PRAMEF11: variants seen among roughly 807,000 people sequenced by gnomAD.
PRAMEF11 encodes PRAME family member 11.
Under a neutral mutation model 33.6 loss-of-function variants are expected in PRAMEF11, and 17 were observed. The observed-to-expected ratio is 0.51, with a 90% CI of 0.35 to 0.76. The LOEUF is 0.76. Among genes scored for constraint, PRAMEF11 ranks in the 30% least tolerant of loss-of-function variants. PRAMEF11 has a pLI of 0.01. For synonymous variants in PRAMEF11, 205 were observed against 227.3 expected (o/e 0.90, Z 0.88); for missense variants, 568 against 567.0 (o/e 1.00, Z -0.02).
chr1:12,827,432 C>T lies in PRAMEF11; in HGVS notation c.692G>A (p.Gly231Asp), dbSNP rs2100341615. The T allele has an allele frequency of 6.2e-7, 1 of 1,607,960 alleles. No homozygotes were observed. The highest frequency in any genetic ancestry group is 2.2e-5 in the East Asian group (1 of 44,512). The change falls in exon 3 of 4, where the codon GGC (glycine) becomes GAC (aspartate). Residue 231 changes from glycine (G) to aspartate (D), a missense_variant. By Grantham distance (94) the Gly-to-Asp change is moderately conservative. Coordinates refer to ENST00000619922, the MANE Select transcript of PRAMEF11 (RefSeq NM_001146344.3). ...PILTQFTPYLGHLRNLQKLVL... is the reference protein window; with the variant it reads ...PILTQFTPYLDHLRNLQKLVL... ...GAGCTTCTGAAGATTCCTCAAGTGG[C>T]CCAGGTATGGGGTAAACTGTGTCAG...
chr1:12,827,740 G>T lies in PRAMEF11; in HGVS notation c.384C>A (p.Leu128=). The part of the protein sequence containing the change: ...WSEAMAHGCF[L]NAKRNKKPVQ... ...CTGGTTTTTTGTTCCTCTTGGCATT[G>T]AGGAAGCACCCATGGGCCATAGCTT... The change falls in exon 3 of 4, where the codon CTC becomes CTA. Residue 128 remains leucine (L), a synonymous_variant. Transcript: ENST00000619922. 1 of 1,609,844 alleles carries T rather than the reference G, an allele frequency of 6.2e-7. No individual in the cohort carries two copies. The highest frequency in any genetic ancestry group is 8.5e-7 in the Non-Finnish European group (1 of 1,178,320).
Position 12,828,746 on chromosome 1 carries a change from G to T in PRAMEF11, c.44C>A (p.Ala15Glu), listed in dbSNP as rs553779461. 3.1e-6 allele frequency: 5 copies of T among 1,605,978 alleles called. No homozygotes were observed. In the African/African-American group the frequency reaches 6.7e-5, roughly 22 times the overall value. ...IRIPPRLLELAGRSLLRDQAL... is the reference protein window; with the variant it reads ...IRIPPRLLELEGRSLLRDQAL... ...TTGGTCCCTCAGCAGGCTCCGCCCC[G>T]CAAGCTCCAGGAGTCTGGGTGGAAT... The change falls in exon 2 of 4, where the codon GCG becomes GAG. Residue 15 changes from alanine (A) to glutamate (E), a missense_variant. Ala to Glu is a moderately radical substitution (Grantham distance 107, BLOSUM62 -1). Transcript: ENST00000619922.
intron 1 of PRAMEF11, among the ~76,000 whole-genome samples, 190 bp downstream of exon 1, chr1:12,831,166 G>A (rs1639998993): frequency 6.6e-6 from 1 of 150,560 alleles, no homozygotes; most frequent in African/African-American, 2.4e-5. Context: ...ATCAACCAAA[G>A]CACAATCAAC....
chr1:12,830,572 G>T (rs1207866291), intron 1 of PRAMEF11, among the ~76,000 whole-genome samples: 13 of 151,030 alleles, frequency 8.6e-5, no homozygotes, highest in African/African-American at 2.9e-4. Flanking sequence ...CTGGAGTACA[G>T]GAGTGGTATG....
At chr1:12,827,919 T>G in intron 2 of PRAMEF11, 89 bp from the exon 3 acceptor site, 1 of 1,584,670 alleles carries the variant, frequency 6.3e-7, no homozygotes, top group African/African-American at 1.3e-5. Flanking sequence ...CTCCCCTCCC[T>G]GCTTGTTGTC....
Position 12,826,434 on chromosome 1 carries a change from A to T in PRAMEF11, c.875+815T>A, listed in dbSNP as rs1484426229. On this transcript the variant is annotated intron_variant, in intron 3 of 3. Transcript: ENST00000619922. ...CTGAGCATTCCCCTCTTCAGTGCCCACTTCACTTCCCTACTTCACATCATC... is the reference window on the plus strand; with the variant it reads ...CTGAGCATTCCCCTCTTCAGTGCCCTCTTCACTTCCCTACTTCACATCATC... Among the ~76,000 whole-genome samples the T allele has an allele frequency of 2.6e-5, 4 of 151,230 alleles. No homozygotes were observed. The Admixed American group carries it at 2.7e-4, about 10-fold the overall frequency.
intron 3 of PRAMEF11, among the ~76,000 whole-genome samples, chr1:12,826,706 G>A (rs1274045189): frequency 4.6e-5 from 7 of 151,326 alleles, no homozygotes; most frequent in African/African-American, 1.7e-4. Context: ...AAGTTGCTGC[G>A]AGCTGAGATG....
rs1179816208 is a variant in PRAMEF11 at position 12,830,232 on chromosome 1, C to T, written c.-17+1124G>A. On this transcript the variant is annotated intron_variant, in intron 1 of 3. Transcript: ENST00000619922. Reference sequence around the variant, plus strand: ...AGTTTTCAAAGACAGAGATGACAGTCCCTAAGAAAACACAGTAGAAATCTT... The same window carrying T: ...AGTTTTCAAAGACAGAGATGACAGTTCCTAAGAAAACACAGTAGAAATCTT... Among the ~76,000 whole-genome samples the T allele has an allele frequency of 4.6e-5, 7 of 151,384 alleles. 1 individual carries two copies. In the East Asian group the frequency reaches 1.2e-3, roughly 25 times the overall value.
intron 1 of PRAMEF11, among the ~76,000 whole-genome samples, chr1:12,830,682 C>A (rs1375199321): frequency 6.7e-6 from 1 of 149,132 alleles, no homozygotes; most frequent in Non-Finnish European, 1.5e-5. Context: ...CCATGCTCGG[C>A]TAATTAAAAA....
In PRAMEF11 at chr1:12,827,668, A is replaced by T. The variant is rs2486716; in HGVS notation, c.456T>A (p.Phe152Leu). Reference protein sequence around the residue: ...RMRGRQPLTVFVELWLKNRTL... With the variant: ...RMRGRQPLTVLVELWLKNRTL... Reference sequence around the variant, plus strand: ...TCCTGTTCTTGAGCCAAAGTTCTACAAACACAGTCAAGGGCTGCCGTCCTC... The same window carrying T: ...TCCTGTTCTTGAGCCAAAGTTCTACTAACACAGTCAAGGGCTGCCGTCCTC... Residue 152 changes from phenylalanine to leucine, a missense_variant, in exon 3 of 4, where the codon TTT becomes TTA. By Grantham distance (22) the Phe-to-Leu change is conservative. Coordinates refer to ENST00000619922, the MANE Select transcript of PRAMEF11 (RefSeq NM_001146344.3). 3 of 1,607,060 alleles carry T rather than the reference A, an allele frequency of 1.9e-6. No homozygotes were observed. The highest frequency in any genetic ancestry group is 1.1e-5 in the South Asian group (1 of 90,336).
chr1:12,827,918 C>G (rs1569788800), intron 2 of PRAMEF11, 88 bp from the exon 3 acceptor site: 4 of 1,582,150 alleles, frequency 2.5e-6, no homozygotes, highest in Non-Finnish European at 3.4e-6. Flanking sequence ...CCTCCCCTCC[C>G]TGCTTGTTGT....
At chr1:12,826,571 G>A (rs918353607) in intron 3 of PRAMEF11, among the ~76,000 whole-genome samples, 17 of 150,982 alleles carry the variant, frequency 1.1e-4, no homozygotes, top group Admixed American at 5.3e-4. Context: ...AGAATAACCT[G>A]GCCAAAATGG....
chr1:12,830,999 CAAA>C (rs34338341), intron 1 of PRAMEF11, among the ~76,000 whole-genome samples: 6 of 132,288 alleles, frequency 4.5e-5, no homozygotes, highest in African/African-American at 8.3e-5. Flanking sequence ...TCCCCACCCT[CAAA>C]AAAAAAAAAA....
rs72472669 is a variant in PRAMEF11 at position 12,830,314 on chromosome 1, A to G, written c.-17+1042T>C. Among the ~76,000 whole-genome samples the G allele has an allele frequency of 2.9e-3, 442 of 151,232 alleles. 6 individuals carry two copies. Among genetic ancestry groups the G allele is most frequent in the African/African-American group, 9.1e-3 (378 of 41,366 alleles). On this transcript the variant is annotated intron_variant, in intron 1 of 3. Transcript: ENST00000619922. Reference sequence around the variant, plus strand: ...TTCTTTTTGGTGTTGAGGGAGCTGAATCTCACTTCATCGGCCAGGCTAGAG... The same window carrying G: ...TTCTTTTTGGTGTTGAGGGAGCTGAGTCTCACTTCATCGGCCAGGCTAGAG...
In PRAMEF11 at chr1:12,827,875, C is replaced by G. The variant is rs761133951; in HGVS notation, c.294-45G>C. 23 of 1,602,412 alleles carry G rather than the reference C, an allele frequency of 1.4e-5. 2 individuals are homozygous for G. The highest frequency in any genetic ancestry group is 9.4e-5 in the African/African-American group (7 of 74,696). ...AGACTGAGAATTTAAGAACTCATTT[C>G]TGAACTTAAACTCCACATCCTGCAT... On this transcript the variant is annotated intron_variant, in intron 2 of 3. Transcript: ENST00000619922.
chr1:12,825,242 G>T lies in PRAMEF11; in HGVS notation c.1137C>A (p.Cys379Ter). 6.2e-7 allele frequency: 1 copy of T among 1,606,812 alleles called. No individual in the cohort carries two copies. The highest frequency in any genetic ancestry group is 8.5e-7 in the Non-Finnish European group (1 of 1,177,382). Residue 379 changes from cysteine (C) to a stop codon, truncating the protein, a stop_gained, in exon 4 of 4, where the codon TGC becomes TGA. Coordinates refer to ENST00000619922, the MANE Select transcript of PRAMEF11 (RefSeq NM_001146344.3). LOFTEE classifies it high-confidence loss of function. ...VNAILPALSRCFELNTFSFCG... is the reference protein window; with the variant it reads ...VNAILPALSR ...AGAAGCTGAAGGTGTTGAGCTCAAA[G>T]CAGCGGCTCAGGGCAGGCAGGATGG...
rs759567417 is a variant in PRAMEF11 at position 12,827,614 on chromosome 1, A to T, written c.510T>A (p.Leu170=). 6.2e-7 allele frequency: 1 copy of T among 1,609,374 alleles called. No individual in the cohort carries two copies. The highest frequency in any genetic ancestry group is 1.7e-5 in the Admixed American group (1 of 59,596). Residue 170 remains leucine (L), a synonymous_variant, in exon 3 of 4, where the codon CTT becomes CTA. Transcript: ENST00000619922. The stretch of plus-strand genomic sequence containing the variant: ...AATCTCTCCTCTGCTTGACCCATAG[A>T]AGGAGGCAGGTGAGGTATTCATCCA... ...RTLDEYLTCL[L]LWVKQRRDLL...
chr1:12,828,501 G>A lies in PRAMEF11; in HGVS notation c.289C>T (p.Pro97Ser), dbSNP rs1430613295. 2 of 1,598,564 alleles carry A rather than the reference G, an allele frequency of 1.3e-6. 1 individual carries two copies. Among genetic ancestry groups the A allele is most frequent in the Non-Finnish European group, 1.7e-6 (2 of 1,171,956 alleles). Residue 97 changes from proline (P) to serine (S), a missense_variant, in exon 2 of 4, where the codon CCC becomes TCC. By Grantham distance (74) the Pro-to-Ser change is moderately conservative. Transcript: ENST00000619922. The stretch of plus-strand genomic sequence containing the variant: ...AGCCCACCTGGGCCACCTCACCTGG[G>A]ACGAACCCCTTGGGTAAGCAGTGCA... ...LDALLTQGVRPRRWKLQVLDL... is the reference protein window; with the variant it reads ...LDALLTQGVRSRRWKLQVLDL...
intron 1 of PRAMEF11, among the ~76,000 whole-genome samples, chr1:12,829,576 T>G (rs1303109528): frequency 1.3e-5 from 2 of 151,184 alleles, no homozygotes; most frequent in Admixed American, 6.6e-5. Flanking sequence ...CATCTTTTAT[T>G]TTTTGACTTT....
Sources: allele counts gnomAD v4.1 joint callset (sites outside exome capture counted in the v4.1 genomes callset), GRCh38; gene constraint gnomAD v4.1.1; transcripts MANE v1.5; gene names NCBI Gene and HGNC (gene_info 2026-07-23, HGNC 2026-07-21).